Variants in AMDHD2 observed in about 807,000 individuals in gnomAD.
AMDHD2 encodes the protein amidohydrolase domain containing 2, also known as N-acetylglucosamine-6-phosphate deacetylase.
AMDHD2 carries 24 observed loss-of-function variants against 41.8 expected under a neutral mutation model. That is an observed-to-expected ratio of 0.57 (90% CI 0.42 to 0.81). The LOEUF is 0.81. AMDHD2 is among the 30% of genes least tolerant of loss of function. The pLI is 0.00. For synonymous variants in AMDHD2, 332 were observed against 255.5 expected (o/e 1.30, Z -2.85); for missense variants, 540 against 588.5 (o/e 0.92, Z 0.85).
Position 2,531,287 on chromosome 16 carries a change from C to G in AMDHD2, c.*1724C>G. On this transcript the variant is annotated 3_prime_UTR_variant, in exon 11 of 11. Transcript: ENST00000293971. The stretch of plus-strand genomic sequence containing the variant: ...GGGTGGTGGGAGAGGGGCCCAGGGT[C>G]AGGGTGAGAGAGAGCTGGGCCAGGG... The G allele has an allele frequency of 1.7e-6, 1 of 604,012 alleles. No individual in the cohort carries two copies. The highest frequency in any genetic ancestry group is 3.0e-6 in the Non-Finnish European group (1 of 338,790). 37.4% of individuals were successfully genotyped at this position (604,012 alleles called of 1,614,324 possible).
Position 2,530,169 on chromosome 16 carries a change from C to T in AMDHD2, c.*606C>T. Reference sequence around the variant, plus strand: ...CTGGGCCCGGGACCCCTGTTTTCTGCTCCCTGGACTGCCTAGCCCTGAGTG... The same window carrying T: ...CTGGGCCCGGGACCCCTGTTTTCTGTTCCCTGGACTGCCTAGCCCTGAGTG... On this transcript the variant is annotated 3_prime_UTR_variant, in exon 11 of 11. Transcript: ENST00000293971. 1 of 1,455,680 alleles carries T rather than the reference C, an allele frequency of 6.9e-7. No homozygotes were observed. Among genetic ancestry groups the T allele is most frequent in the African/African-American group, 1.4e-5 (1 of 70,752 alleles). 90.2% of individuals were successfully genotyped at this position (1,455,680 alleles called of 1,614,324 possible).
At chr16:2,521,985 C>T (rs34884942) in intron 3 of AMDHD2, among the ~76,000 whole-genome samples, 13,902 of 151,818 alleles carry the variant, frequency 0.092, 891 homozygotes, top group South Asian at 0.26. Flanking sequence ...GGGGTTTCAC[C>T]GTGTTAGCCA....
In AMDHD2 at chr16:2,527,684, C is replaced by G; in HGVS notation, c.415+69C>G. The stretch of plus-strand genomic sequence containing the variant: ...TGCGGGACCTGTTGGCAGCCCCCAC[C>G]CCTCCAGATGCCCAGCTGGTGGGGA... On this transcript the variant is annotated intron_variant, in intron 4 of 10. Transcript: ENST00000293971. This position sits in a 1 kb window ranked among gnomAD's most constrained non-coding sequence, Gnocchi z 6.1. 2 of 1,567,740 alleles carry G rather than the reference C, an allele frequency of 1.3e-6. No individual in the cohort carries two copies. Among genetic ancestry groups the G allele is most frequent in the Non-Finnish European group, 1.7e-6 (2 of 1,155,776 alleles).
chr16:2,528,973 C>T (rs756037050), intron 9 of AMDHD2, 21 bp from the exon 10 acceptor site: 1 of 1,560,782 alleles, frequency 6.4e-7, no homozygotes, highest in South Asian at 1.2e-5. Flanking sequence ...GGACTGTCAC[C>T]TAGCTGTGTC....
In AMDHD2 at chr16:2,530,396, A is replaced by G. The variant is rs771253403; in HGVS notation, c.*833A>G. 1.1e-5 allele frequency: 18 copies of G among 1,614,048 alleles called. No homozygotes were observed. In the African/African-American group the frequency reaches 1.9e-4, roughly 17 times the overall value. ...GGCCCTGGCACACACCCATGTGGCA[A>G]ACACGGGCCGTGAGGCTCCCTGAAC... is the stretch of plus-strand genomic sequence containing the variant. On this transcript the variant is annotated 3_prime_UTR_variant, in exon 11 of 11. Coordinates refer to ENST00000293971, the MANE Select transcript of AMDHD2 (RefSeq NM_001330449.2).
chr16:2,524,918 T>C (rs927531783), intron 3 of AMDHD2, among the ~76,000 whole-genome samples: 1 of 150,900 alleles, frequency 6.6e-6, no homozygotes, highest in Non-Finnish European at 1.5e-5. Context: ...GTCATCGGAG[T>C]GGTGTGAAGG....
chr16:2,529,577 T>G lies in AMDHD2; in HGVS notation c.*14T>G, dbSNP rs1567133677. On this transcript the variant is annotated 3_prime_UTR_variant, in exon 11 of 11. Transcript: ENST00000293971. ...GCTAGGCAGTGACAAGGACCTCGGCTGAGAGGACACCTGGCCGCAGCGGGA... is the reference window on the plus strand; with the variant it reads ...GCTAGGCAGTGACAAGGACCTCGGCGGAGAGGACACCTGGCCGCAGCGGGA... 6.2e-7 allele frequency: 1 copy of G among 1,605,762 alleles called. No homozygotes were observed.
chr16:2,526,656 G>T (rs1362858773), intron 3 of AMDHD2, among the ~76,000 whole-genome samples: 6 of 149,584 alleles, frequency 4.0e-5, no homozygotes, highest in Admixed American at 1.3e-4. Context: ...TCTTACCGTT[G>T]GCCAGGCATG....
rs1437629292 is a variant in AMDHD2, at chr16:2,526,747, A to G, written c.361-814A>G. 4.6e-5 allele frequency among the ~76,000 whole-genome samples: 7 copies of G among 152,032 alleles called. No individual in the cohort carries two copies. The East Asian group carries it at 7.7e-4, about 17-fold the overall frequency. On this transcript the variant is annotated intron_variant, in intron 3 of 10. Transcript: ENST00000293971. ...GGAGTTTGAAACTGGCCTGACCTAC[A>G]TGGTGAAACCCCGCCTCTACTAAAA... is the stretch of plus-strand genomic sequence containing the variant.
Position 2,527,762 on chromosome 16 carries a change from C to A in AMDHD2, c.416-11C>A. On this transcript the variant is annotated splice_polypyrimidine_tract_variant and intron_variant, in intron 4 of 10. Transcript: ENST00000293971. This position sits in a 1 kb window ranked among gnomAD's most constrained non-coding sequence, Gnocchi z 6.1. ...AGGGACCTGCTGGAGCCACTTGCTC[C>A]CTCCTCCCAGGGCTGCACCTGGAGG... is the stretch of plus-strand genomic sequence containing the variant. The A allele has an allele frequency of 1.3e-6, 2 of 1,564,574 alleles. No individual in the cohort carries two copies. The highest frequency in any genetic ancestry group is 1.7e-6 in the Non-Finnish European group (2 of 1,159,046).
At position 2,527,126 on chromosome 16, in the gene AMDHD2, C is replaced by G. The variant is rs1044122941; in HGVS notation, c.361-435C>G. ...GAGATGTGTGGTGTGAGCCCGTGTCCCCCCGTTCCCTGACACACTCGGTCT... is the reference window on the plus strand; with the variant it reads ...GAGATGTGTGGTGTGAGCCCGTGTCGCCCCGTTCCCTGACACACTCGGTCT... On this transcript the variant is annotated intron_variant, in intron 3 of 10. Coordinates refer to ENST00000293971, the MANE Select transcript of AMDHD2 (RefSeq NM_001330449.2). The surrounding 1 kb of genome is among the most constrained non-coding windows in gnomAD (Gnocchi z 6.1). The G allele has an allele frequency of 9.3e-6, 2 of 215,658 alleles. No homozygotes were observed. The highest frequency in any genetic ancestry group is 4.7e-5 in the African/African-American group (2 of 42,326). The allele number at this position is 215,658 out of a possible 1,614,324, so 13.4% of individuals were successfully genotyped here.
At chr16:2,521,244 C>G (rs1362208454) in intron 3 of AMDHD2, 121 bp downstream of exon 3, 1 of 1,275,254 alleles carries the variant, frequency 7.8e-7, no homozygotes, top group African/African-American at 1.6e-5. Context: ...AGTCTGGCCT[C>G]CTTTGATGAC....
At chr16:2,526,866 G>A (rs2066010047) in intron 3 of AMDHD2, among the ~76,000 whole-genome samples, 1 of 152,136 alleles carries the variant, frequency 6.6e-6, no homozygotes, top group East Asian at 1.9e-4. Flanking sequence ...GGAGGCAGAG[G>A]TTGCAGTGAG....
At chr16:2,528,612 C>T in intron 8 of AMDHD2, 38 bp from the exon 9 acceptor site, 3 of 1,612,884 alleles carry the variant, frequency 1.9e-6, no homozygotes, top group Non-Finnish European at 2.5e-6. Flanking sequence ...GCCAGGTGGC[C>T]CACGACCCCC....
In AMDHD2 at chr16:2,530,525, CTT is replaced by C; in HGVS notation, c.*963_*964del. 1 of 1,614,134 alleles carries C rather than the reference CTT, an allele frequency of 6.2e-7. No individual in the cohort carries two copies. The highest frequency in any genetic ancestry group is 8.5e-7 in the Non-Finnish European group (1 of 1,179,990). ...GCAGCCCCACGTCAGGGGTGATTGT[CTT>C]GACTTTCTCTCCATTTGAGTTCTGG... On this transcript the variant is annotated 3_prime_UTR_variant, in exon 11 of 11. Transcript: ENST00000293971.
In AMDHD2 at chr16:2,524,949, C is replaced by G. The variant is rs1164270931; in HGVS notation, c.361-2612C>G. On this transcript the variant is annotated intron_variant, in intron 3 of 10. Coordinates refer to ENST00000293971, the MANE Select transcript of AMDHD2 (RefSeq NM_001330449.2). The stretch of plus-strand genomic sequence containing the variant: ...GAAGGGATGTGTGGCCCAGTGACAT[C>G]TCAGCTGCCATTTCTGCTTGCTTTG... 2.6e-5 allele frequency among the ~76,000 whole-genome samples: 4 copies of G among 151,886 alleles called. No individual in the cohort carries two copies. In the East Asian group the frequency reaches 7.8e-4, roughly 29 times the overall value.
chr16:2,530,173 C>G lies in AMDHD2; in HGVS notation c.*610C>G. On this transcript the variant is annotated 3_prime_UTR_variant, in exon 11 of 11. Transcript: ENST00000293971. Reference sequence around the variant, plus strand: ...GCCCGGGACCCCTGTTTTCTGCTCCCTGGACTGCCTAGCCCTGAGTGCCAC... The same window carrying G: ...GCCCGGGACCCCTGTTTTCTGCTCCGTGGACTGCCTAGCCCTGAGTGCCAC... 6.8e-7 allele frequency: 1 copy of G among 1,468,232 alleles called. No homozygotes were observed. The highest frequency in any genetic ancestry group is 9.0e-7 in the Non-Finnish European group (1 of 1,108,676). The allele number at this position is 1,468,232 out of a possible 1,614,324, so 91.0% of individuals were successfully genotyped here. A position where few individuals can be genotyped will look rare whatever the true frequency, so the allele number is the denominator to read the frequency against.
rs568513483 is a variant in AMDHD2 at position 2,531,168 on chromosome 16, C to T, written c.*1605C>T. The T allele has an allele frequency of 2.4e-5, 35 of 1,465,528 alleles. 1 individual carries two copies. The South Asian group carries it at 4.5e-4, about 19-fold the overall frequency. The allele number at this position is 1,465,528 out of a possible 1,614,324, so 90.8% of individuals were successfully genotyped here. ...GTGAGCCCTGGGCCAGCCTTTGGGC[C>T]TGGCCTGCCCCATTCACCGGCCAGC... On this transcript the variant is annotated 3_prime_UTR_variant, in exon 11 of 11. Transcript: ENST00000293971.
Position 2,527,459 on chromosome 16 carries a change from G to A in AMDHD2, c.361-102G>A. 2 of 1,327,108 alleles carry A rather than the reference G, an allele frequency of 1.5e-6. No individual in the cohort carries two copies. The highest frequency in any genetic ancestry group is 2.1e-6 in the Non-Finnish European group (2 of 945,032). 82.2% of individuals were successfully genotyped at this position (1,327,108 alleles called of 1,614,324 possible). Reference sequence around the variant, plus strand: ...ACAGGCGGCCGGGGCTGGGCTGGGTGCTGGGCTCTGAACTCTGACCTGAGA... The same window carrying A: ...ACAGGCGGCCGGGGCTGGGCTGGGTACTGGGCTCTGAACTCTGACCTGAGA... On this transcript the variant is annotated intron_variant, in intron 3 of 10. Transcript: ENST00000293971. The surrounding 1 kb of genome is among the most constrained non-coding windows in gnomAD (Gnocchi z 6.1).
Sources: allele counts gnomAD v4.1 joint callset (sites outside exome capture counted in the v4.1 genomes callset), GRCh38; gene constraint gnomAD v4.1.1; non-coding constraint Gnocchi (gnomAD v3.1); transcripts MANE v1.5; gene names NCBI Gene and HGNC (gene_info 2026-07-23, HGNC 2026-07-21).